Variants in ADGRL2 observed in about 807,000 individuals in gnomAD.
ADGRL2 encodes the protein calcium-independent alpha-latrotoxin receptor 2.
Under a neutral mutation model 157.4 loss-of-function variants are expected in ADGRL2, and 44 were observed. That is an observed-to-expected ratio of 0.28 (90% CI 0.22 to 0.36). ADGRL2 has a LOEUF of 0.36. ADGRL2 is among the 10% of genes least tolerant of loss of function. The probability of loss-of-function intolerance (pLI) is 1.00; values close to 1 mark genes in which losing one functional copy is unlikely to be tolerated. For missense variants in ADGRL2, 1,510 were observed against 1,768.9 expected (o/e 0.85, Z 2.63); for synonymous variants, 585 against 624.7 (o/e 0.94, Z 0.95).
At chr1:81,815,130 ATTAC>A (rs2090266477) in intron 1 of ADGRL2, among the ~76,000 whole-genome samples, 2 of 151,948 alleles carry the variant, frequency 1.3e-5, no homozygotes, top group South Asian at 4.1e-4. Flanking sequence ...ATTTGTTAAA[ATTAC>A]TTAATCACTG....
chr1:81,408,992 T>A, intron 1 of ADGRL2, among the ~76,000 whole-genome samples: 1 of 152,216 alleles, frequency 6.6e-6, no homozygotes, highest in South Asian at 2.1e-4. Context: ...TTAGAAGCAA[T>A]GTTCAGACTC....
intron 2 of ADGRL2, among the ~76,000 whole-genome samples, chr1:81,542,394 C>G (rs2079906701): frequency 6.6e-6 from 1 of 152,180 alleles, no homozygotes; most frequent in Admixed American, 6.5e-5. Context: ...AGTAATAACA[C>G]TTTGCCTACT....
At chr1:81,963,048 T>C (rs1655941426) in intron 11 of ADGRL2, among the ~76,000 whole-genome samples, 1 of 152,132 alleles carries the variant, frequency 6.6e-6, no homozygotes, top group Admixed American at 6.5e-5. Flanking sequence ...TTCTCCCAAA[T>C]AACAGCATTA....
chr1:81,691,088 C>T (rs552881696), intron 3 of ADGRL2, among the ~76,000 whole-genome samples: 56 of 152,268 alleles, frequency 3.7e-4, no homozygotes, highest in African/African-American at 1.3e-3. Flanking sequence ...ATACATTGCA[C>T]GAAAATCGTA....
intron 1 of ADGRL2, among the ~76,000 whole-genome samples, chr1:81,321,833 GAA>G (rs35262833): frequency 6.9e-6 from 1 of 144,646 alleles, no homozygotes; most frequent in Non-Finnish European, 1.5e-5. Flanking sequence ...ACATGCTGTT[GAA>G]AAAAAAAAAT....
intron 1 of ADGRL2, among the ~76,000 whole-genome samples, chr1:81,741,862 T>C (rs979500624): frequency 9.2e-5 from 14 of 151,870 alleles, no homozygotes; most frequent in Non-Finnish European, 1.8e-4. Flanking sequence ...ATCAAAAAAT[T>C]GAACACACAA....
At chr1:81,552,605 G>GAAAAAAAAAAAAAAAAAAAA (rs35795177) in intron 2 of ADGRL2, among the ~76,000 whole-genome samples, 9 of 103,984 alleles carry the variant, frequency 8.7e-5, no homozygotes, top group South Asian at 3.2e-4. Flanking sequence ...ACTTTACTTA[G>GAAAAAAAAAAAAAAAAAAAA]AAAAAAAAAA....
intron 1 of ADGRL2, among the ~76,000 whole-genome samples, chr1:81,802,054 G>A (rs1483142909): frequency 1.3e-5 from 2 of 150,450 alleles, no homozygotes; most frequent in East Asian, 2.0e-4. Context: ...CCGAGCTGCG[G>A]CGCCGTGTCC....
At chr1:81,483,170 G>A (rs140011664) in intron 2 of ADGRL2, among the ~76,000 whole-genome samples, 78 of 152,232 alleles carry the variant, frequency 5.1e-4, no homozygotes, top group Middle Eastern at 3.4e-3. Context: ...AATGTTGTAG[G>A]ATTGTTTCTC....
At chr1:81,827,570 G>A (rs558559501) in intron 1 of ADGRL2, among the ~76,000 whole-genome samples, 4 of 152,174 alleles carry the variant, frequency 2.6e-5, no homozygotes, top group East Asian at 3.9e-4. Flanking sequence ...CTGAAAACAC[G>A]AATTGTTTTT....
chr1:81,614,847 T>TAAAA (rs112809079), intron 3 of ADGRL2, among the ~76,000 whole-genome samples: 1 of 145,338 alleles, frequency 6.9e-6, no homozygotes, highest in Admixed American at 6.8e-5. Flanking sequence ...CTCTACAAAT[T>TAAAA]AAAAAAAAAA....
intron 15 of ADGRL2, among the ~76,000 whole-genome samples, chr1:81,970,064 T>TA (rs1658272370): frequency 6.6e-6 from 1 of 152,164 alleles, no homozygotes; most frequent in African/African-American, 2.4e-5. Flanking sequence ...AATGTTATAG[T>TA]AATGTTCTTC....
At chr1:81,714,901 G>A (rs1327440642) in intron 1 of ADGRL2, among the ~76,000 whole-genome samples, 1 of 151,330 alleles carries the variant, frequency 6.6e-6, no homozygotes, top group Non-Finnish European at 1.5e-5. Flanking sequence ...ATGTATCATA[G>A]GTGTAAGTCC....
At chr1:81,485,707 T>C (rs12726352) in intron 2 of ADGRL2, among the ~76,000 whole-genome samples, 127,615 of 152,054 alleles carry the variant, frequency 0.84, 55,452 homozygotes, top group East Asian at 1. Flanking sequence ...ATTAGGAAGG[T>C]TGCTAAGAAA....
intron 2 of ADGRL2, among the ~76,000 whole-genome samples, chr1:81,471,590 A>G (rs1365228320): frequency 6.6e-6 from 1 of 152,218 alleles, no homozygotes; most frequent in Non-Finnish European, 1.5e-5. Context: ...AATTTACTCC[A>G]CTAACAGCTG....
chr1:81,343,095 T>TTC (rs1553155357), intron 1 of ADGRL2, among the ~76,000 whole-genome samples: 3 of 144,952 alleles, frequency 2.1e-5, no homozygotes, highest in Non-Finnish European at 4.5e-5. Context: ...TTCTTTTCTT[T>TTC]TTTTTTTTTT....
chr1:81,873,679 T>G (rs2093756310), intron 2 of ADGRL2, among the ~76,000 whole-genome samples: 1 of 152,110 alleles, frequency 6.6e-6, no homozygotes, highest in South Asian at 2.1e-4. Context: ...ATTTGAAAAC[T>G]TGGATAGTAT....
intron 3 of ADGRL2, among the ~76,000 whole-genome samples, chr1:81,599,991 A>G (rs1396929427): frequency 6.6e-6 from 1 of 152,204 alleles, no homozygotes; most frequent in East Asian, 1.9e-4. Context: ...CCTAAGAAGT[A>G]TGTGTATCAA....
chr1:81,613,566 C>G (rs2081584933), intron 3 of ADGRL2, among the ~76,000 whole-genome samples: 1 of 149,424 alleles, frequency 6.7e-6, no homozygotes, highest in Non-Finnish European at 1.5e-5. Context: ...GGCAGACAGA[C>G]TTCTGAAAAA....
Sources: allele counts gnomAD v4.1 joint callset (sites outside exome capture counted in the v4.1 genomes callset), GRCh38; gene constraint gnomAD v4.1.1; transcripts MANE v1.5; gene names NCBI Gene and HGNC (gene_info 2026-07-23, HGNC 2026-07-21).